FXN: variants seen among roughly 807,000 people sequenced by gnomAD.
FXN encodes the protein frataxin, mitochondrial.
A neutral mutation model predicts 22.4 loss-of-function variants in FXN; 14 were observed. The ratio of observed to expected loss-of-function variants is 0.62; its 90% confidence interval spans 0.41 to 0.98. The LOEUF (loss-of-function observed/expected upper bound fraction) is 0.98, where lower values mean the gene tolerates loss of function less well. Ranked by LOEUF, FXN falls within the 50% of genes least tolerant of loss-of-function variation. The pLI is 0.00. For missense variants in FXN, 267 were observed against 268.4 expected (o/e 0.99, Z 0.04); for synonymous variants, 120 against 114.1 (o/e 1.05, Z -0.33).
At chr9:69,062,710 G>A (rs1832098042) in intron 3 of FXN, among the ~76,000 whole-genome samples, 1 of 152,058 alleles carries the variant, frequency 6.6e-6, no homozygotes, top group African/African-American at 2.4e-5. Context: ...AAAGTAGACA[G>A]GTGGTTACTA....
chr9:69,035,976 G>A (rs1831542567), intron 1 of FXN, 29 bp downstream of exon 1: 3 of 1,414,900 alleles, frequency 2.1e-6, no homozygotes, highest in Non-Finnish European at 2.8e-6. Flanking sequence ...AACAGCCGCG[G>A]GCCGCACGCC....
intron 4 of FXN, among the ~76,000 whole-genome samples, chr9:69,072,381 G>A (rs181234532): frequency 3.8e-3 from 581 of 152,288 alleles, no homozygotes; most frequent in Middle Eastern, 6.8e-3. Context: ...TTATCAGTAA[G>A]GGTCAAATGT....
chr9:69,036,170 G>A lies in FXN; in HGVS notation c.165+223G>A, dbSNP rs149432558. The A allele has an allele frequency of 3.1e-3, 966 of 308,674 alleles. 1 individual carries two copies. The highest frequency in any genetic ancestry group is 0.019 in the African/African-American group (850 of 45,728). 19.1% of individuals were successfully genotyped at this position (308,674 alleles called of 1,614,324 possible). A position where few individuals can be genotyped will look rare whatever the true frequency, so the allele number is the denominator to read the frequency against. On this transcript the variant is annotated intron_variant, in intron 1 of 4. Coordinates refer to ENST00000484259, the MANE Select transcript of FXN (RefSeq NM_000144.5). ...TGGCTTCTGCTTTCCGAAGGAAAAG[G>A]GGACATTTTGTCCTGCGGTGCGACT... is the stretch of plus-strand genomic sequence containing the variant.
Position 69,076,731 on chromosome 9 carries a change from A to G in FXN, c.*3969A>G, listed in dbSNP as rs1832376560. The stretch of plus-strand genomic sequence containing the variant: ...CTTTACGCTTCCAAGGTACACACTA[A>G]GATGAAAGTAATTTTAGTCCGTGTC... On this transcript the variant is annotated 3_prime_UTR_variant, in exon 5 of 5. Coordinates refer to ENST00000484259, the MANE Select transcript of FXN (RefSeq NM_000144.5). 1 of 985,316 alleles carries G rather than the reference A, an allele frequency of 1.0e-6. No individual in the cohort carries two copies. Among genetic ancestry groups the G allele is most frequent in the Admixed American group, 6.1e-5 (1 of 16,266 alleles). The allele number at this position is 985,316 out of a possible 1,614,324, so 61.0% of individuals were successfully genotyped here.
intron 2 of FXN, among the ~76,000 whole-genome samples, chr9:69,047,919 T>C (rs1014821221): frequency 6.6e-6 from 1 of 152,140 alleles, no homozygotes; most frequent in Admixed American, 6.5e-5. Flanking sequence ...GGTTTCACCA[T>C]GTTGGCCAGG....
intron 1 of FXN, among the ~76,000 whole-genome samples, chr9:69,041,270 G>A (rs960405178): frequency 4.6e-5 from 7 of 152,182 alleles, no homozygotes; most frequent in African/African-American, 1.7e-4. Context: ...TGCTGTATCT[G>A]TTCTGCTATG....
chr9:69,056,174 C>T (rs7860265), intron 3 of FXN, among the ~76,000 whole-genome samples: 10,436 of 152,240 alleles, frequency 0.069, 472 homozygotes, highest in African/African-American at 0.13. Context: ...CCAGCACACC[C>T]AGCCACAAAT....
intron 1 of FXN, among the ~76,000 whole-genome samples, chr9:69,042,340 G>T (rs538987582): frequency 6.6e-6 from 1 of 152,120 alleles, no homozygotes; most frequent in African/African-American, 2.4e-5. Flanking sequence ...GGCAGAGGCG[G>T]AAGTTTGCCT....
At position 69,072,774 on chromosome 9, in the gene FXN, G is replaced by A. The variant is rs779118774; in HGVS notation, c.*12G>A. 20 of 1,613,906 alleles carry A rather than the reference G, an allele frequency of 1.2e-5. No homozygotes were observed. The highest frequency in any genetic ancestry group is 1.7e-4 in the Middle Eastern group (1 of 6,044). ...GAAAAGATGCTTGATGCCCAGCCCC[G>A]TTTTAAGGACATTAAAAGCTATCAG... is the stretch of plus-strand genomic sequence containing the variant. On this transcript the variant is annotated 3_prime_UTR_variant, in exon 5 of 5. Transcript: ENST00000484259.
intron 1 of FXN, among the ~76,000 whole-genome samples, chr9:69,044,236 T>C (rs1451095508): frequency 6.6e-6 from 1 of 152,106 alleles, no homozygotes; most frequent in African/African-American, 2.4e-5. Context: ...TAAGAGTACG[T>C]CCCTCACAGG....
Position 69,072,756 on chromosome 9 carries a change from T to C in FXN, c.627T>C (p.Asp209=). 6.2e-7 allele frequency: 1 copy of C among 1,614,228 alleles called. No individual in the cohort carries two copies. Among genetic ancestry groups the C allele is most frequent in the Non-Finnish European group, 8.5e-7 (1 of 1,180,044 alleles). ...DLSSLAYSGK[D]A is the part of the protein sequence containing the mutation. ...CTTCCTTGGCCTATTCCGGAAAAGA[T>C]GCTTGATGCCCAGCCCCGTTTTAAG... Residue 209 remains aspartate (D), a synonymous_variant, in exon 5 of 5, where the codon GAT becomes GAC. Coordinates refer to ENST00000484259, the MANE Select transcript of FXN (RefSeq NM_000144.5).
chr9:69,071,017 C>T (rs1230033506), intron 4 of FXN, among the ~76,000 whole-genome samples: 1 of 151,850 alleles, frequency 6.6e-6, no homozygotes, highest in East Asian at 1.9e-4. Flanking sequence ...GTTTTCAGGT[C>T]CTGTGAAATC....
rs114657172 is a variant in FXN at position 69,057,878 on chromosome 9, C to T, written c.384+4618C>T. On this transcript the variant is annotated intron_variant, in intron 3 of 4. Coordinates refer to ENST00000484259, the MANE Select transcript of FXN (RefSeq NM_000144.5). ...TCTGTGTTATAATTGTCTATTTACA[C>T]GTCAGCTACCACCTATAACACACTG... 1.4e-3 allele frequency among the ~76,000 whole-genome samples: 210 copies of T among 152,218 alleles called. 1 individual carries two copies. The highest frequency in any genetic ancestry group is 4.8e-3 in the African/African-American group (199 of 41,556).
chr9:69,075,601 T>C lies in FXN; in HGVS notation c.*2839T>C. 2.0e-6 allele frequency: 2 copies of C among 985,338 alleles called. No homozygotes were observed. Among genetic ancestry groups the C allele is most frequent in the Non-Finnish European group, 2.4e-6 (2 of 829,854 alleles). 61.0% of individuals were successfully genotyped at this position (985,338 alleles called of 1,614,324 possible). A position where few individuals can be genotyped will look rare whatever the true frequency, so the allele number is the denominator to read the frequency against. On this transcript the variant is annotated 3_prime_UTR_variant, in exon 5 of 5. Coordinates refer to ENST00000484259, the MANE Select transcript of FXN (RefSeq NM_000144.5). ...CTCCCCACCACAGACCCTGGGAGCA[T>C]CGCCTCATTTATGGTGTGGTCCAGT...
At chr9:69,059,659 G>A (rs1294616298) in intron 3 of FXN, among the ~76,000 whole-genome samples, 1 of 151,994 alleles carries the variant, frequency 6.6e-6, no homozygotes. Flanking sequence ...ACTGGCCTCA[G>A]CCTCCCAAAG....
Position 69,077,101 on chromosome 9 carries a change from A to G in FXN, c.*4339A>G, listed in dbSNP as rs973306828. 4 of 471,432 alleles carry G rather than the reference A, an allele frequency of 8.5e-6. No homozygotes were observed. The highest frequency in any genetic ancestry group is 1.1e-5 in the Non-Finnish European group (4 of 360,618). 29.2% of individuals were successfully genotyped at this position (471,432 alleles called of 1,614,324 possible). ...GCTAATTTTTGTATTTTTAGTAGAG[A>G]CGGGGTTTCACCATCATGGCCAGGC... On this transcript the variant is annotated 3_prime_UTR_variant, in exon 5 of 5. Transcript: ENST00000484259.
intron 3 of FXN, among the ~76,000 whole-genome samples, chr9:69,062,919 G>A (rs527817446): frequency 6.6e-6 from 1 of 152,030 alleles, no homozygotes; most frequent in Non-Finnish European, 1.5e-5. Context: ...GGGGCCGAGT[G>A]CAGTAGCTCA....
At chr9:69,045,876 C>T (rs1831743418) in intron 1 of FXN, among the ~76,000 whole-genome samples, 2 of 152,314 alleles carry the variant, frequency 1.3e-5, no homozygotes, top group East Asian at 1.9e-4. Context: ...TCCGTGCATA[C>T]TCTACAGGAC....
At chr9:69,045,071 G>A (rs1831722992) in intron 1 of FXN, among the ~76,000 whole-genome samples, 1 of 152,158 alleles carries the variant, frequency 6.6e-6, no homozygotes, top group Admixed American at 6.5e-5. Flanking sequence ...ACTTCCTGAT[G>A]TGATGGAAAT....
Sources: allele counts gnomAD v4.1 joint callset (sites outside exome capture counted in the v4.1 genomes callset), GRCh38; gene constraint gnomAD v4.1.1; transcripts MANE v1.5; gene names NCBI Gene and HGNC (gene_info 2026-07-23, HGNC 2026-07-21).